Variants in DPP6 observed in about 807,000 individuals in gnomAD.
DPP6 encodes the protein A-type potassium channel modulatory protein DPP6.
A neutral mutation model predicts 122.6 loss-of-function variants in DPP6; 69 were observed. That is an observed-to-expected ratio of 0.56 (90% CI 0.46 to 0.69). The LOEUF is 0.69. Ranked by LOEUF, DPP6 falls within the 30% of genes least tolerant of loss-of-function variation. DPP6 has a pLI of 0.00. For synonymous variants in DPP6, 418 were observed against 433.1 expected (o/e 0.97, Z 0.43); for missense variants, 928 against 1,116.9 (o/e 0.83, Z 2.41).
chr7:154,884,119 T>TGCTCACCCATACACATGCTCACACACAC (rs1805828005), intron 21 of DPP6: 1 of 116,610 alleles, frequency 8.6e-6, no homozygotes, highest in Non-Finnish European at 1.8e-5. Flanking sequence ...CTCACACACA[T>TGCTCACCCATACACATGCTCACACACAC]GCTCACCCAT....
intron 16 of DPP6, among the ~76,000 whole-genome samples, chr7:154,810,749 C>T (rs1229006324): frequency 1.1e-4 from 17 of 151,912 alleles, no homozygotes; most frequent in Admixed American, 3.9e-4. Flanking sequence ...GTCACACACA[C>T]GACTGACCCA....
At position 154,675,207 on chromosome 7, in the gene DPP6, G is replaced by A. The variant is rs551289326; in HGVS notation, c.762+5766G>A. On this transcript the variant is annotated intron_variant, in intron 7 of 25. Transcript: ENST00000377770. ...GGAACGTCCACACCGGGGCCTGTCCGGGGGCGGGGGGCTAGGGGAGGGATA... is the reference window on the plus strand; with the variant it reads ...GGAACGTCCACACCGGGGCCTGTCCAGGGGCGGGGGGCTAGGGGAGGGATA... Among the ~76,000 whole-genome samples the A allele has an allele frequency of 6.6e-5, 10 of 152,218 alleles. No individual in the cohort carries two copies. The East Asian group carries it at 1.2e-3, about 18-fold the overall frequency.
chr7:154,113,457 CATATAG>C (rs1806755054), intron 1 of DPP6, among the ~76,000 whole-genome samples: 1 of 151,878 alleles, frequency 6.6e-6, no homozygotes, highest in African/African-American at 2.4e-5. Flanking sequence ...CACCTACATA[CATATAG>C]ATATATAATA....
chr7:154,006,516 A>AG (rs1267104793), intron 1 of DPP6, among the ~76,000 whole-genome samples: 3 of 152,208 alleles, frequency 2.0e-5, no homozygotes, highest in African/African-American at 7.2e-5. Context: ...CAACAAGTGG[A>AG]GGTCTCTTCC....
At chr7:154,309,951 A>AGAT (rs1806719086) in intron 1 of DPP6, among the ~76,000 whole-genome samples, 1 of 152,240 alleles carries the variant, frequency 6.6e-6, no homozygotes, top group African/African-American at 2.4e-5. Flanking sequence ...GATAAAAAGA[A>AGAT]AACTTGAAGG....
chr7:153,886,832 G>C (rs1181631413), upstream of DPP6, among the ~76,000 whole-genome samples: 3 of 152,162 alleles, frequency 2.0e-5, no homozygotes, highest in East Asian at 5.8e-4. Flanking sequence ...GCACAGCCGC[G>C]TCTGGCTCTT....
At chr7:153,864,351 G>A in the DPP6 span, among the ~76,000 whole-genome samples, 3 of 152,178 alleles carry the variant, frequency 2.0e-5, no homozygotes, top group African/African-American at 7.2e-5. Flanking sequence ...TCAAACTTAC[G>A]TTTTAAAAAA....
At chr7:154,790,614 G>A (rs1406217378) in intron 10 of DPP6, among the ~76,000 whole-genome samples, 19 of 151,910 alleles carry the variant, frequency 1.3e-4, no homozygotes, top group Admixed American at 1.2e-3. Flanking sequence ...AGAAACTGAG[G>A]GTTGAAGCAC....
intron 1 of DPP6, among the ~76,000 whole-genome samples, chr7:154,219,602 G>A (rs542229872): frequency 3.0e-4 from 45 of 151,362 alleles, no homozygotes; most frequent in Non-Finnish European, 5.6e-4. Flanking sequence ...TCTTTGAGAC[G>A]GAGTCTCCCA....
At chr7:153,918,524 AACACACAC>A (rs71182852) in intron 1 of DPP6, among the ~76,000 whole-genome samples, 1,521 of 77,436 alleles carry the variant, frequency 0.02, 34 homozygotes, top group Middle Eastern at 0.042. Flanking sequence ...AGGTAATTAA[AACACACAC>A]ACACACACAC....
At position 153,901,798 on chromosome 7, in the gene DPP6, T is replaced by G. The variant is rs1227459335; in HGVS notation, c.51+14064T>G. Among the ~76,000 whole-genome samples, 327 of 152,362 alleles carry G rather than the reference T, an allele frequency of 2.1e-3. 3 individuals are homozygous for G. Among genetic ancestry groups the G allele is most frequent in the African/African-American group, 7.6e-3 (315 of 41,580 alleles). On this transcript the variant is annotated intron_variant, in intron 1 of 25. Coordinates refer to the DPP6 transcript ENST00000404039. ...CTTTATTTAGGTGAATTCAGGTTGT[T>G]ACATGGTCTTGCCACAAGTGCATCT...
intron 6 of DPP6, among the ~76,000 whole-genome samples, chr7:154,649,083 A>G (rs1325101848): frequency 2.0e-5 from 3 of 152,066 alleles, no homozygotes; most frequent in Admixed American, 1.3e-4. Context: ...CATGCCATCT[A>G]TCCCACACTT....
chr7:153,846,428 A>G, the DPP6 span, among the ~76,000 whole-genome samples: 1 of 151,200 alleles, frequency 6.6e-6, no homozygotes, highest in Non-Finnish European at 1.5e-5. Flanking sequence ...CTTTCTCTTA[A>G]TGGTGTTTTT....
chr7:154,407,459 T>G (rs1816214314), intron 1 of DPP6, among the ~76,000 whole-genome samples: 1 of 152,176 alleles, frequency 6.6e-6, no homozygotes, highest in Admixed American at 6.5e-5. Context: ...GTTATAGTGT[T>G]TTCTTTGATG....
chr7:154,662,052 T>C (rs1159156838), intron 6 of DPP6, among the ~76,000 whole-genome samples: 1 of 150,900 alleles, frequency 6.6e-6, no homozygotes, highest in Non-Finnish European at 1.5e-5. Context: ...ATAGTCATGG[T>C]GAATCACCAT....
chr7:154,588,016 C>T, intron 5 of DPP6: 1 of 1,612,826 alleles, frequency 6.2e-7, no homozygotes, highest in Non-Finnish European at 8.5e-7. Context: ...TGAGGCATCG[C>T]ATCTGCTCAC....
intron 1 of DPP6, among the ~76,000 whole-genome samples, chr7:154,021,877 T>C (rs1443366387): frequency 6.6e-6 from 1 of 152,210 alleles, no homozygotes; most frequent in Non-Finnish European, 1.5e-5. Flanking sequence ...CATCTACCCA[T>C]TCAAATGCTC....
chr7:153,759,971 ATCTCTCTCTC>A, the DPP6 span, among the ~76,000 whole-genome samples: 2 of 136,968 alleles, frequency 1.5e-5, no homozygotes, highest in East Asian at 2.2e-4. Context: ...CTGTTTCTGT[ATCTCTCTCTC>A]TCTCTCTCTC....
intron 7 of DPP6, among the ~76,000 whole-genome samples, chr7:154,705,811 T>C (rs1840798252): frequency 6.6e-6 from 1 of 152,246 alleles, no homozygotes; most frequent in Non-Finnish European, 1.5e-5. Flanking sequence ...CTTAAGTCAT[T>C]AATCCAGTGA....
Sources: gnomAD v4.1 joint callset for allele counts (sites outside exome capture counted in the v4.1 genomes callset) on GRCh38, gnomAD v4.1.1 for gene constraint, MANE v1.5 for transcripts, NCBI Gene and HGNC (gene_info 2026-07-23, HGNC 2026-07-21) for gene names.